Variants in PDE4B observed in about 807,000 individuals in gnomAD.
PDE4B encodes the protein 3',5'-cyclic-AMP phosphodiesterase 4B.
Under a neutral mutation model 82.2 loss-of-function variants are expected in PDE4B, and 20 were observed. The observed-to-expected ratio is 0.24, with a 90% CI of 0.17 to 0.35. The LOEUF is 0.35. Ranked by LOEUF, PDE4B falls within the 10% of genes least tolerant of loss-of-function variation. The probability of loss-of-function intolerance (pLI) is 1.00; values close to 1 mark genes in which losing one functional copy is unlikely to be tolerated. For synonymous variants in PDE4B, 320 were observed against 318.9 expected (o/e 1.00, Z -0.04); for missense variants, 655 against 907.2 (o/e 0.72, Z 3.57).
At chr1:66,215,672 C>G (rs1256771464) in intron 3 of PDE4B, among the ~76,000 whole-genome samples, 1 of 152,008 alleles carries the variant, frequency 6.6e-6, no homozygotes, top group Non-Finnish European at 1.5e-5. Flanking sequence ...CTGAACATGC[C>G]CCCAGGTAAA....
chr1:66,258,326 TG>T (rs1198138864), intron 6 of PDE4B, among the ~76,000 whole-genome samples: 1 of 152,190 alleles, frequency 6.6e-6, no homozygotes, highest in African/African-American at 2.4e-5. Flanking sequence ...TGAATAAGAG[TG>T]GGATTATCTT....
intron 8 of PDE4B, among the ~76,000 whole-genome samples, chr1:66,340,217 AAACTGTTTAGTCTCTTGTGTATTTCACTG>A (rs1660871413): frequency 6.6e-6 from 1 of 152,214 alleles, no homozygotes. Flanking sequence ...AAGTGGTGCC[AAACTGTTTAGTCTCTTGTGTATTTCACTG>A]TAACTTCCTT....
Position 66,367,724 on chromosome 1 carries a change from T to C in PDE4B, c.1413T>C (p.Asp471=). ...CAGAACTTGCTTTGATGTATAATGA[T>C]GAATCTGTGTTGGAAAATCATCACC... The part of the protein sequence containing the change: ...TNSELALMYN[D]ESVLENHHLA... Residue 471 remains aspartate (D), a synonymous_variant, in exon 14 of 17, where the codon GAT becomes GAC. Transcript: ENST00000341517. 6.2e-7 allele frequency: 1 copy of C among 1,613,420 alleles called. No homozygotes were observed. The highest frequency in any genetic ancestry group is 1.3e-5 in the African/African-American group (1 of 75,010).
intron 3 of PDE4B, among the ~76,000 whole-genome samples, chr1:66,239,824 A>G (rs1652742203): frequency 6.6e-6 from 1 of 152,224 alleles, no homozygotes; most frequent in African/African-American, 2.4e-5. Flanking sequence ...TTGTTCACCC[A>G]TTTCTTGATA....
chr1:66,208,211 A>G (rs1649719946), intron 3 of PDE4B, among the ~76,000 whole-genome samples: 1 of 152,044 alleles, frequency 6.6e-6, no homozygotes, highest in Admixed American at 6.5e-5. Flanking sequence ...TTATAATTGT[A>G]CCTTCTTGGA....
At chr1:66,350,731 C>G (rs946770139) in intron 8 of PDE4B, among the ~76,000 whole-genome samples, 1 of 152,176 alleles carries the variant, frequency 6.6e-6, no homozygotes, top group African/African-American at 2.4e-5. Context: ...TAGTGCCTAT[C>G]TTGCCTGCGG....
chr1:66,007,804 A>G (rs889469233), intron 3 of PDE4B, among the ~76,000 whole-genome samples: 4 of 152,182 alleles, frequency 2.6e-5, no homozygotes, highest in Admixed American at 2.6e-4. Context: ...TATATTTCTT[A>G]TATCATTTAG....
chr1:66,265,592 C>G (rs767656100), intron 6 of PDE4B, among the ~76,000 whole-genome samples: 15 of 152,128 alleles, frequency 9.9e-5, no homozygotes, highest in Non-Finnish European at 2.1e-4. Flanking sequence ...GTCTCTGTCT[C>G]CTGAGGTACA....
At chr1:66,055,889 C>G (rs1655268246) in intron 3 of PDE4B, among the ~76,000 whole-genome samples, 1 of 152,066 alleles carries the variant, frequency 6.6e-6, no homozygotes, top group Non-Finnish European at 1.5e-5. Flanking sequence ...CTTGTTTTGT[C>G]TACAAAAAGG....
chr1:65,873,606 A>T (rs991106594), intron 1 of PDE4B, among the ~76,000 whole-genome samples: 2 of 152,202 alleles, frequency 1.3e-5, no homozygotes, highest in African/African-American at 4.8e-5. Flanking sequence ...ACTTCTTTGA[A>T]ATATAAAAAA....
At chr1:66,168,345 G>A (rs974350777) in intron 3 of PDE4B, among the ~76,000 whole-genome samples, 1 of 151,962 alleles carries the variant, frequency 6.6e-6, no homozygotes, top group Non-Finnish European at 1.5e-5. Context: ...GTGATGTTGT[G>A]AGAAAAAAAA....
At chr1:66,257,708 T>C in intron 5 of PDE4B, 25 bp downstream of exon 5, 4 of 1,612,438 alleles carry the variant, frequency 2.5e-6, no homozygotes, top group Non-Finnish European at 3.4e-6. Flanking sequence ...GGCCCTGGCT[T>C]GCTTTCACTG....
intron 3 of PDE4B, among the ~76,000 whole-genome samples, chr1:66,218,244 G>A (rs528258245): frequency 6.6e-6 from 1 of 152,096 alleles, no homozygotes; most frequent in East Asian, 1.9e-4. Context: ...CCTAAGTGAT[G>A]TCGGCCGATA....
At chr1:66,044,654 G>A (rs1654589012) in intron 3 of PDE4B, among the ~76,000 whole-genome samples, 1 of 151,728 alleles carries the variant, frequency 6.6e-6, no homozygotes, top group Non-Finnish European at 1.5e-5. Flanking sequence ...TGTCCAGCAA[G>A]TTTGTATTAT....
At chr1:65,867,784 C>T (rs1646528108) in intron 1 of PDE4B, among the ~76,000 whole-genome samples, 1 of 152,204 alleles carries the variant, frequency 6.6e-6, no homozygotes, top group Admixed American at 6.5e-5. Context: ...AACAGAGATA[C>T]ACACTTCAGA....
chr1:66,084,592 T>G (rs1473554917), intron 3 of PDE4B, among the ~76,000 whole-genome samples: 2 of 152,034 alleles, frequency 1.3e-5, no homozygotes, highest in African/African-American at 4.8e-5. Flanking sequence ...CCCAAGAAAC[T>G]CATCCAGTAG....
At chr1:65,855,242 T>G (rs1026756810) in intron 1 of PDE4B, among the ~76,000 whole-genome samples, 3 of 151,968 alleles carry the variant, frequency 2.0e-5, no homozygotes, top group African/African-American at 7.2e-5. Context: ...TTTTCCAGTT[T>G]CTTTTCCATT....
intron 3 of PDE4B, among the ~76,000 whole-genome samples, chr1:65,960,653 A>G (rs1452397067): frequency 2.0e-5 from 3 of 152,078 alleles, no homozygotes; most frequent in Non-Finnish European, 2.9e-5. Context: ...TTTTTCAAAC[A>G]TACACATTCA....
At chr1:66,070,198 C>A (rs1207739743) in intron 3 of PDE4B, among the ~76,000 whole-genome samples, 1 of 152,036 alleles carries the variant, frequency 6.6e-6, no homozygotes, top group African/African-American at 2.4e-5. Flanking sequence ...ATAGGGCAGG[C>A]ACCCTGTAAA....
Sources: allele counts gnomAD v4.1 joint callset (sites outside exome capture counted in the v4.1 genomes callset), GRCh38; gene constraint gnomAD v4.1.1; transcripts MANE v1.5; gene names NCBI Gene and HGNC (gene_info 2026-07-23, HGNC 2026-07-21).